IKZF1: variants seen among roughly 807,000 people sequenced by gnomAD.
IKZF1 encodes the protein DNA-binding protein Ikaros.
Under a neutral mutation model 51.7 loss-of-function variants are expected in IKZF1, and 10 were observed. That is an observed-to-expected ratio of 0.19 (90% CI 0.12 to 0.33). The LOEUF (loss-of-function observed/expected upper bound fraction) is 0.33, where lower values mean the gene tolerates loss of function less well. Among genes scored for constraint, IKZF1 ranks in the 10% least tolerant of loss-of-function variants. IKZF1 has a pLI of 1.00. For synonymous variants in IKZF1, 280 were observed against 282.3 expected (o/e 0.99, Z 0.08); for missense variants, 484 against 707.5 (o/e 0.68, Z 3.58).
intron 1 of IKZF1, among the ~76,000 whole-genome samples, chr7:50,309,350 G>A (rs1789599731): frequency 6.6e-6 from 1 of 152,068 alleles, no homozygotes. Context: ...TAAAAAGAGG[G>A]GATCCAATGT....
intron 4 of IKZF1, among the ~76,000 whole-genome samples, chr7:50,378,963 T>C (rs1471179972): frequency 6.6e-6 from 1 of 152,266 alleles, no homozygotes; most frequent in African/African-American, 2.4e-5. Flanking sequence ...GAAAAGGTTT[T>C]CATTTTCCTG....
intron 4 of IKZF1, among the ~76,000 whole-genome samples, chr7:50,378,221 T>C (rs532365507): frequency 6.6e-6 from 1 of 152,312 alleles, no homozygotes; most frequent in South Asian, 2.1e-4. Flanking sequence ...TAAGTTGATA[T>C]CAATAGATAT....
chr7:50,346,801 G>A (rs1411656826), intron 3 of IKZF1, among the ~76,000 whole-genome samples: 1 of 152,232 alleles, frequency 6.6e-6, no homozygotes, highest in Non-Finnish European at 1.5e-5. Flanking sequence ...GTCTGAGAAA[G>A]CATGGCATAT....
chr7:50,347,577 C>T (rs1167997259), intron 3 of IKZF1, among the ~76,000 whole-genome samples: 2 of 152,220 alleles, frequency 1.3e-5, no homozygotes, highest in African/African-American at 2.4e-5. Flanking sequence ...CAGGAGCCCT[C>T]CTTGACTTCT....
At position 50,401,867 on chromosome 7, in the gene IKZF1, T is replaced by C. The variant is rs757981159; in HGVS notation, c.*1240T>C. On this transcript the variant is annotated 3_prime_UTR_variant, in exon 8 of 8. Transcript: ENST00000331340. ...CTGTTTGAAACCAAGCTTTCAAACA[T>C]GTTGAAGCTCTTTACTGTAAAGGCA... 70 of 225,170 alleles carry C rather than the reference T, an allele frequency of 3.1e-4. No individual in the cohort carries two copies. The highest frequency in any genetic ancestry group is 5.9e-4 in the Non-Finnish European group (67 of 112,938). 13.9% of individuals were successfully genotyped at this position (225,170 alleles called of 1,614,324 possible). A position where few individuals can be genotyped will look rare whatever the true frequency, so the allele number is the denominator to read the frequency against.
At position 50,401,750 on chromosome 7, in the gene IKZF1, C is replaced by T. The variant is rs1055645003; in HGVS notation, c.*1123C>T. The stretch of plus-strand genomic sequence containing the variant: ...ACTATATATTATTCTCGTTTTAAAA[C>T]CCATAAAGGAGTGATTTAGAACAGT... On this transcript the variant is annotated 3_prime_UTR_variant, in exon 8 of 8. Transcript: ENST00000331340. The T allele has an allele frequency of 4.6e-6, 1 of 218,740 alleles. No homozygotes were observed. Among genetic ancestry groups the T allele is most frequent in the Non-Finnish European group, 9.2e-6 (1 of 108,984 alleles). The allele number at this position is 218,740 out of a possible 1,614,324, so 13.5% of individuals were successfully genotyped here.
At chr7:50,349,510 C>T (rs1801282751) in intron 3 of IKZF1, among the ~76,000 whole-genome samples, 1 of 152,114 alleles carries the variant, frequency 6.6e-6, no homozygotes, top group African/African-American at 2.4e-5. Flanking sequence ...GGGAACAAAA[C>T]GTGGACCAAG....
intron 3 of IKZF1, among the ~76,000 whole-genome samples, chr7:50,338,290 T>C (rs1272506064): frequency 1.3e-5 from 2 of 152,210 alleles, no homozygotes; most frequent in Non-Finnish European, 2.9e-5. Flanking sequence ...ACCTAATTCG[T>C]TCAATAAATA....
chr7:50,392,731 A>G (rs1390743295), intron 7 of IKZF1, among the ~76,000 whole-genome samples: 1 of 152,214 alleles, frequency 6.6e-6, no homozygotes, highest in Non-Finnish European at 1.5e-5. Context: ...GAGGACCAGT[A>G]AAAGCTTCAT....
chr7:50,361,702 C>T (rs1805289758), intron 3 of IKZF1, among the ~76,000 whole-genome samples: 1 of 152,120 alleles, frequency 6.6e-6, no homozygotes, highest in South Asian at 2.1e-4. Context: ...ATGGTGAAAC[C>T]CCATCTCTAC....
At chr7:50,337,624 T>C (rs1798099055) in intron 3 of IKZF1, among the ~76,000 whole-genome samples, 1 of 152,164 alleles carries the variant, frequency 6.6e-6, no homozygotes, top group Admixed American at 6.5e-5. Flanking sequence ...GTCTGATACA[T>C]TGGTATTGAA....
intron 3 of IKZF1, among the ~76,000 whole-genome samples, chr7:50,354,349 C>G (rs1297568373): frequency 2.0e-5 from 3 of 152,322 alleles, no homozygotes; most frequent in African/African-American, 7.2e-5. Flanking sequence ...GCCAGGGCAG[C>G]CTGGCGGAGG....
intron 3 of IKZF1, among the ~76,000 whole-genome samples, chr7:50,374,238 T>C (rs1174408572): frequency 6.6e-6 from 1 of 152,182 alleles, no homozygotes; most frequent in Non-Finnish European, 1.5e-5. Flanking sequence ...CCACTGTGGC[T>C]TGAAAATACA....
intron 7 of IKZF1, 98 bp downstream of exon 7, chr7:50,391,961 CTTA>C: frequency 7.1e-7 from 1 of 1,415,816 alleles, no homozygotes; most frequent in Non-Finnish European, 9.3e-7. Flanking sequence ...GGAAAAAAAT[CTTA>C]TTTTTTCAAA....
chr7:50,330,154 A>G (rs898446202), intron 3 of IKZF1, among the ~76,000 whole-genome samples: 2 of 152,200 alleles, frequency 1.3e-5, no homozygotes, highest in African/African-American at 4.8e-5. Context: ...CGGGTTTGTC[A>G]TAGCCCATGG....
At chr7:50,366,158 G>A (rs1240893019) in intron 3 of IKZF1, among the ~76,000 whole-genome samples, 4 of 152,048 alleles carry the variant, frequency 2.6e-5, no homozygotes, top group Non-Finnish European at 4.4e-5. Flanking sequence ...ACAGGTAGTA[G>A]ATTTAATACC....
intron 4 of IKZF1, among the ~76,000 whole-genome samples, chr7:50,380,529 G>A (rs1811560776): frequency 6.6e-6 from 1 of 152,190 alleles, no homozygotes; most frequent in Admixed American, 6.5e-5. Flanking sequence ...GTAAGTGTAG[G>A]GCTGCATTCA....
At chr7:50,356,011 C>A (rs944405017) in intron 3 of IKZF1, among the ~76,000 whole-genome samples, 1 of 152,206 alleles carries the variant, frequency 6.6e-6, no homozygotes. Context: ...ACAGAAAATG[C>A]CACAGATGGG....
intron 3 of IKZF1, among the ~76,000 whole-genome samples, chr7:50,355,290 C>A (rs994461558): frequency 6.6e-6 from 1 of 152,186 alleles, no homozygotes; most frequent in Non-Finnish European, 1.5e-5. Context: ...GTCCTGGGTG[C>A]ACTCGGATGA....
Sources: gnomAD v4.1 joint callset for allele counts (sites outside exome capture counted in the v4.1 genomes callset) on GRCh38, gnomAD v4.1.1 for gene constraint, MANE v1.5 for transcripts, NCBI Gene and HGNC (gene_info 2026-07-23, HGNC 2026-07-21) for gene names.